Variants in CFAP99 observed in about 807,000 individuals in gnomAD.
The protein encoded by CFAP99 is cilia and flagella associated protein 99.
Under a neutral mutation model 82.7 loss-of-function variants are expected in CFAP99, and 84 were observed. The ratio of observed to expected loss-of-function variants is 1.02; its 90% CI spans 0.85 to 1.22. CFAP99 has a LOEUF of 1.22. Ranked by LOEUF, CFAP99 falls within the 50% of genes most tolerant of loss-of-function variation. CFAP99 has a pLI of 0.00. For synonymous variants in CFAP99, 456 were observed against 429.5 expected (o/e 1.06, Z -0.76); for missense variants, 1,059 against 983.5 (o/e 1.08, Z -1.03).
downstream of CFAP99, chr4:2,462,948 C>A: frequency 2.4e-6 from 3 of 1,245,780 alleles, no homozygotes; most frequent in Non-Finnish European, 3.0e-6. This position sits in a 1 kb window ranked among gnomAD's most constrained non-coding sequence, Gnocchi z 4.1. Flanking sequence ...CGCGCCCCAC[C>A]CGCTTGCGGG....
chr4:2,454,594 G>GTTTTTTTTTTTCTTTTTTTTTTTT (rs1734383536), intron 11 of CFAP99, among the ~76,000 whole-genome samples: 1 of 84,538 alleles, frequency 1.2e-5, no homozygotes, highest in Non-Finnish European at 2.5e-5. Flanking sequence ...TTTTTTTTTT[G>GTTTTTTTTTTTCTTTTTTTTTTTT]TTTTTTTTTT....
intron 2 of CFAP99, among the ~76,000 whole-genome samples, chr4:2,432,351 C>T (rs2108715177): frequency 6.6e-6 from 1 of 152,338 alleles, no homozygotes; most frequent in Non-Finnish European, 1.5e-5. Flanking sequence ...TGTCACATGG[C>T]TCTATCATCA....
chr4:2,423,349 G>A (rs1341333433), intron 1 of CFAP99, among the ~76,000 whole-genome samples: 2 of 152,256 alleles, frequency 1.3e-5, no homozygotes, highest in Admixed American at 6.5e-5. Flanking sequence ...AATTCAGAGA[G>A]AGCAGGGACT....
chr4:2,433,607 C>G (rs1733845131), intron 2 of CFAP99, among the ~76,000 whole-genome samples: 1 of 152,194 alleles, frequency 6.6e-6, no homozygotes, highest in Non-Finnish European at 1.5e-5. Flanking sequence ...CAGCCTCACT[C>G]ACAGGATGTC....
rs184158227 is a variant in CFAP99, at chr4:2,420,753, C to G, written c.-18+1660C>G. Among the ~76,000 whole-genome samples, 12 of 151,902 alleles carry G rather than the reference C, an allele frequency of 7.9e-5. No individual in the cohort carries two copies. The East Asian group carries it at 2.1e-3, about 27-fold the overall frequency. On this transcript the variant is annotated intron_variant, in intron 1 of 14. Coordinates refer to ENST00000635017, the Ensembl canonical transcript of CFAP99. The stretch of plus-strand genomic sequence containing the variant: ...GAGGCAATCGTGGTTGGTATGGCAG[C>G]CCTAAAGTCCTCAAGGATCAGCTTT...
chr4:2,420,056 C>T (rs557155927), intron 1 of CFAP99, among the ~76,000 whole-genome samples: 21 of 152,076 alleles, frequency 1.4e-4, no homozygotes, highest in African/African-American at 4.8e-4. Context: ...CGACTGTGCC[C>T]TCTCCGTGAC....
chr4:2,437,503 C>A (rs111945759), intron 3 of CFAP99, among the ~76,000 whole-genome samples: 2 of 152,176 alleles, frequency 1.3e-5, no homozygotes, highest in African/African-American at 4.8e-5. Context: ...GAGATCAGGG[C>A]AGCCCTGAGA....
intron 1 of CFAP99, among the ~76,000 whole-genome samples, chr4:2,425,943 T>C (rs573496188): frequency 1.7e-4 from 26 of 151,962 alleles, no homozygotes; most frequent in Admixed American, 1.4e-3. Context: ...CCAGGCTCCT[T>C]CTTGCCCCAA....
At chr4:2,456,950 CTTTTT>C (rs574632036) in intron 11 of CFAP99, among the ~76,000 whole-genome samples, 1 of 109,476 alleles carries the variant, frequency 9.1e-6, no homozygotes, top group Non-Finnish European at 1.8e-5. Flanking sequence ...TCTTTGAATA[CTTTTT>C]TTTTTTTTTT....
chr4:2,461,370 G>A (rs894736299), intron 14 of CFAP99, among the ~76,000 whole-genome samples: 5 of 152,224 alleles, frequency 3.3e-5, no homozygotes, highest in Admixed American at 6.5e-5. Context: ...GGTGGATGGC[G>A]GGGCGGACAG....
intron 10 of CFAP99, 124 bp downstream of exon 10, chr4:2,451,476 T>C: frequency 1.2e-6 from 1 of 836,034 alleles, no homozygotes. Flanking sequence ...CAACAGGCTG[T>C]GGTCCTGCAG....
rs549426580 is a variant in CFAP99, at chr4:2,462,842, G to A, written c.2061G>A (p.Leu687=). 7.9e-4 allele frequency: 1,101 copies of A among 1,392,042 alleles called. 9 individuals are homozygous for A. The African/African-American group carries it at 0.014, about 18-fold the overall frequency. 86.2% of individuals were successfully genotyped at this position (1,392,042 alleles called of 1,614,324 possible). A position where few individuals can be genotyped will look rare whatever the true frequency, so the allele number is the denominator to read the frequency against. The change falls in exon 15 of 15, where the codon CTG becomes CTA. Residue 687 remains leucine, a synonymous_variant. Coordinates refer to ENST00000635017, the Ensembl canonical transcript of CFAP99. The surrounding 1 kb of genome is among the most constrained non-coding windows in gnomAD (Gnocchi z 4.1). The stretch of plus-strand genomic sequence containing the variant: ...TAGAGGCGCAGCACTGGCTGGAGCT[G>A]GAGCGGAGCCGCGAGCGCAGGCTGC...
At position 2,461,972 on chromosome 4, in the gene CFAP99, C is replaced by CT. The variant is rs201008981; in HGVS notation, c.1662-465dup. ...GCATATAGTTAGTACACCTGTAATA[C>CT]TTTTTTAAAAAAATGTTAAGTTTAA... On this transcript the variant is annotated intron_variant, in intron 14 of 14. Coordinates refer to ENST00000635017, the Ensembl canonical transcript of CFAP99. 5.4e-3 allele frequency among the ~76,000 whole-genome samples: 806 copies of CT among 148,508 alleles called. 7 individuals are homozygous for CT. Among genetic ancestry groups the CT allele is most frequent in the African/African-American group, 0.018 (683 of 38,656 alleles).
At chr4:2,461,922 G>C (rs771358547) in intron 14 of CFAP99, among the ~76,000 whole-genome samples, 1 of 151,978 alleles carries the variant, frequency 6.6e-6, no homozygotes, top group Non-Finnish European at 1.5e-5. Context: ...GTCAAAGGAG[G>C]CTTTCACATT....
intron 5 of CFAP99, 65 bp downstream of exon 5, chr4:2,443,307 C>A: frequency 1.0e-6 from 1 of 996,552 alleles, no homozygotes; most frequent in Non-Finnish European, 1.5e-6. Context: ...GGTGCCTCCA[C>A]GGGCACGGGA....
At chr4:2,449,215 C>T (rs532544108) in intron 6 of CFAP99, among the ~76,000 whole-genome samples, 2 of 152,134 alleles carry the variant, frequency 1.3e-5, no homozygotes, top group South Asian at 2.1e-4. Context: ...ATGGTGCAGC[C>T]GCCCTGGCCT....
At chr4:2,440,164 TGAGACG>T (rs1734002414) in intron 4 of CFAP99, among the ~76,000 whole-genome samples, 1 of 128,480 alleles carries the variant, frequency 7.8e-6, no homozygotes, top group African/African-American at 3.5e-5. Flanking sequence ...TTTTTTTTTT[TGAGACG>T]GAGTCTCGCT....
intron 2 of CFAP99, chr4:2,427,553 C>T (rs532345806): frequency 1.3e-5 from 2 of 152,370 alleles, no homozygotes; most frequent in Non-Finnish European, 2.9e-5. Context: ...CTAATTCAGG[C>T]TGCCTGCCTG....
At position 2,424,285 on chromosome 4, in the gene CFAP99, G is replaced by A. The variant is rs1733640957; in HGVS notation, c.-17-2174G>A. On this transcript the variant is annotated intron_variant, in intron 1 of 14. Transcript: ENST00000635017. ...AAAATACAAAAATTAGCCACATGGT[G>A]GCTATACAAAAATACAAAAAATAGC... 3.9e-5 allele frequency among the ~76,000 whole-genome samples: 6 copies of A among 152,270 alleles called. 1 individual carries two copies. The Middle Eastern group carries it at 0.014, about 345-fold the overall frequency.
Sources: gnomAD v4.1 joint callset for allele counts (sites outside exome capture counted in the v4.1 genomes callset) on GRCh38, gnomAD v4.1.1 for gene constraint, Gnocchi (gnomAD v3.1) non-coding constraint, MANE v1.5 for transcripts, NCBI Gene and HGNC (gene_info 2026-07-23, HGNC 2026-07-21) for gene names.